The following SOS1 variants were observed in gnomAD, a reference collection of about 807,000 sequenced individuals.
SOS1 encodes son of sevenless homolog 1.
SOS1 carries 25 observed loss-of-function variants against 157.6 expected under a neutral mutation model. The ratio of observed to expected loss-of-function variants is 0.16; its 90% CI spans 0.12 to 0.22. The LOEUF is 0.22. Among genes scored for constraint, SOS1 ranks in the 10% least tolerant of loss-of-function variants. The pLI is 1.00. For missense variants in SOS1, 1,237 were observed against 1,599.1 expected, an observed-to-expected ratio of 0.77 and a Z score of 3.86; for synonymous variants, 528 against 534.0, an observed-to-expected ratio of 0.99 and a Z score of 0.16.
At chr2:39,124,015 C>T (rs1289900642), upstream of SOS1, 2 of 152,220 alleles carry the variant, frequency 1.3e-5, no homozygotes, top group Non-Finnish European at 2.9e-5. Flanking sequence ...ACTAGCATGG[C>T]CGTTTGGGCC....
intron 8 of SOS1, among the ~76,000 whole-genome samples, chr2:39,031,950 C>G (rs950290710): frequency 3.9e-5 from 6 of 151,990 alleles, no homozygotes; most frequent in Admixed American, 1.3e-4. Flanking sequence ...TCTTTAACTG[C>G]TGAAGGAAAG....
chr2:38,989,514 T>G (rs1395167655), intron 20 of SOS1, among the ~76,000 whole-genome samples, 200 bp from the exon 21 acceptor site: 1 of 151,222 alleles, frequency 6.6e-6, no homozygotes, highest in African/African-American at 2.4e-5. Context: ...AGATTCCTTT[T>G]AGCTTTACTT....
intron 1 of SOS1, among the ~76,000 whole-genome samples, chr2:39,087,930 C>T (rs985214644): frequency 1.6e-4 from 24 of 151,860 alleles, no homozygotes; most frequent in African/African-American, 5.8e-4. Flanking sequence ...CCTCCTGCCT[C>T]GGCTTCCCAA....
intron 1 of SOS1, among the ~76,000 whole-genome samples, 199 bp downstream of exon 1, chr2:39,120,137 G>T (rs1403307862): frequency 6.6e-6 from 1 of 152,102 alleles, no homozygotes; most frequent in Non-Finnish European, 1.5e-5. Context: ...GGCTCCCTGC[G>T]GCATTCCCAC....
intron 6 of SOS1, among the ~76,000 whole-genome samples, chr2:39,037,805 A>T (rs1248113312): frequency 1.3e-5 from 2 of 152,156 alleles, no homozygotes; most frequent in African/African-American, 4.8e-5. Context: ...GATTGTGCTA[A>T]ATCTACTCTG....
At chr2:39,059,099 A>C (rs1412133914) in intron 2 of SOS1, among the ~76,000 whole-genome samples, 2 of 152,158 alleles carry the variant, frequency 1.3e-5, no homozygotes, top group Admixed American at 6.5e-5. Context: ...TACTTTAAAT[A>C]GTACTTGTAT....
chr2:39,097,788 C>A (rs913984402), intron 1 of SOS1, among the ~76,000 whole-genome samples: 1 of 152,130 alleles, frequency 6.6e-6, no homozygotes, highest in Non-Finnish European at 1.5e-5. Context: ...ATGTCTTGAA[C>A]TCCTGAGCTC....
At chr2:39,096,273 T>C (rs1672761196) in intron 1 of SOS1, among the ~76,000 whole-genome samples, 3 of 152,204 alleles carry the variant, frequency 2.0e-5, no homozygotes, top group Admixed American at 1.3e-4. Flanking sequence ...AACTTTCTAA[T>C]AGGTTTAAGA....
intron 1 of SOS1, among the ~76,000 whole-genome samples, chr2:39,097,581 G>A (rs1672817483): frequency 6.7e-6 from 1 of 150,230 alleles, no homozygotes; most frequent in Non-Finnish European, 1.5e-5. Context: ...TTATTGAGAT[G>A]GGGTCTCGCT....
intron 1 of SOS1, among the ~76,000 whole-genome samples, chr2:39,102,292 G>A (rs1314658962): frequency 6.7e-6 from 1 of 149,856 alleles, no homozygotes; most frequent in Admixed American, 6.7e-5. Flanking sequence ...GGAGGCTAAG[G>A]CAGGAGGATA....
Position 39,108,949 on chromosome 2 carries a change from G to A in SOS1, c.87+11387C>T, listed in dbSNP as rs1435086688. Among the ~76,000 whole-genome samples, 5 of 150,944 alleles carry A rather than the reference G, an allele frequency of 3.3e-5. No individual in the cohort carries two copies. In the East Asian group the frequency reaches 7.7e-4, roughly 23 times the overall value. ...TGCAGTGGCTCACATATGTAATCCC[G>A]GCACACTGGGAGACTGACGCAGGTG... is the stretch of plus-strand genomic sequence containing the variant. On this transcript the variant is annotated intron_variant, in intron 1 of 22. Coordinates refer to ENST00000402219, the MANE Select transcript of SOS1 (RefSeq NM_005633.4).
At chr2:39,074,694 C>G (rs549681411) in intron 1 of SOS1, among the ~76,000 whole-genome samples, 1 of 152,020 alleles carries the variant, frequency 6.6e-6, no homozygotes, top group Non-Finnish European at 1.5e-5. Context: ...ATGGAGAAAG[C>G]TTGTCTGTAC....
At chr2:39,084,851 C>T (rs1013405176) in intron 1 of SOS1, among the ~76,000 whole-genome samples, 5 of 151,996 alleles carry the variant, frequency 3.3e-5, no homozygotes, top group African/African-American at 9.7e-5. Context: ...AACAGAGTTC[C>T]CACCAATAAA....
At chr2:39,022,414 A>AT in intron 10 of SOS1, 156 bp downstream of exon 10, 1 of 654,050 alleles carries the variant, frequency 1.5e-6, no homozygotes, top group Non-Finnish European at 2.7e-6. Flanking sequence ...AAAGTAAAAC[A>AT]TTCCAAAGAA....
intron 2 of SOS1, among the ~76,000 whole-genome samples, chr2:39,062,824 G>A (rs961069624): frequency 2.6e-5 from 4 of 151,808 alleles, no homozygotes; most frequent in African/African-American, 9.7e-5. Context: ...ATTAGCTTTT[G>A]CCTCTATTTT....
At chr2:39,071,666 T>C (rs1034908631) in intron 1 of SOS1, among the ~76,000 whole-genome samples, 1 of 152,178 alleles carries the variant, frequency 6.6e-6, no homozygotes, top group African/African-American at 2.4e-5. Flanking sequence ...CGAAAAGATG[T>C]TTTAGAAAGT....
At chr2:39,077,877 C>T (rs1168044749) in intron 1 of SOS1, among the ~76,000 whole-genome samples, 1 of 152,068 alleles carries the variant, frequency 6.6e-6, no homozygotes. Flanking sequence ...AGCAGGATAT[C>T]TTTATAACCT....
intron 10 of SOS1, among the ~76,000 whole-genome samples, chr2:39,017,647 T>G (rs910954700): frequency 3.3e-5 from 5 of 152,022 alleles, no homozygotes; most frequent in Non-Finnish European, 7.4e-5. Flanking sequence ...TGGCAAAAAT[T>G]TAAGTACTTT....
chr2:39,110,119 G>A (rs1054010743), intron 1 of SOS1, among the ~76,000 whole-genome samples: 1 of 150,962 alleles, frequency 6.6e-6, no homozygotes, highest in South Asian at 2.1e-4. Context: ...GGTATCCATG[G>A]GGGATTGGTT....
Sources: gnomAD v4.1 joint callset for allele counts (sites outside exome capture counted in the v4.1 genomes callset) on GRCh38, gnomAD v4.1.1 for gene constraint, MANE v1.5 for transcripts, NCBI Gene and HGNC (gene_info 2026-07-23, HGNC 2026-07-21) for gene names.